The following HSD17B11 variants were observed in gnomAD, a reference collection of about 807,000 sequenced individuals.
HSD17B11 encodes estradiol 17-beta-dehydrogenase 11.
HSD17B11 carries 22 observed loss-of-function variants against 27.8 expected under a neutral mutation model. The ratio of observed to expected loss-of-function variants is 0.79; its 90% confidence interval spans 0.56 to 1.13. HSD17B11 has a LOEUF of 1.13. Ranked by LOEUF, HSD17B11 falls within the 50% of genes most tolerant of loss-of-function variation. HSD17B11 has a pLI of 0.00. For synonymous variants in HSD17B11, 117 were observed against 132.8 expected, an observed-to-expected ratio of 0.88 and a Z score of 0.82; for missense variants, 314 against 351.1, an observed-to-expected ratio of 0.89 and a Z score of 0.84.
intron 4 of HSD17B11, among the ~76,000 whole-genome samples, chr4:87,371,243 ATTG>A (rs1291304058): frequency 6.6e-6 from 1 of 152,194 alleles, no homozygotes; most frequent in African/African-American, 2.4e-5. Context: ...GGACAAATAA[ATTG>A]TTGTCTGGTC....
intron 4 of HSD17B11, among the ~76,000 whole-genome samples, chr4:87,365,108 G>A (rs1735591796): frequency 6.6e-6 from 1 of 152,236 alleles, no homozygotes; most frequent in African/African-American, 2.4e-5. Flanking sequence ...GGCAGAGGTT[G>A]CAGTGAGCCA....
At chr4:87,362,997 G>T (rs562113262) in intron 4 of HSD17B11, among the ~76,000 whole-genome samples, 1 of 152,112 alleles carries the variant, frequency 6.6e-6, no homozygotes, top group Admixed American at 6.6e-5. Flanking sequence ...CAAGTCAGAG[G>T]TTGGATTAAA....
intron 4 of HSD17B11, chr4:87,365,784 C>A (rs1735603419): frequency 1.3e-5 from 2 of 149,102 alleles, no homozygotes; most frequent in South Asian, 4.2e-4. Context: ...CATGGGAATG[C>A]GGATTATTTT....
At chr4:87,361,640 A>G (rs574918955) in intron 4 of HSD17B11, among the ~76,000 whole-genome samples, 47 of 152,150 alleles carry the variant, frequency 3.1e-4, no homozygotes, top group Middle Eastern at 3.4e-3. Flanking sequence ...GGTGGCGGGC[A>G]CCTGTAGTCC....
intron 4 of HSD17B11, among the ~76,000 whole-genome samples, chr4:87,364,295 AC>A (rs1162422146): frequency 4.6e-5 from 7 of 151,354 alleles, no homozygotes; most frequent in African/African-American, 7.3e-5. Flanking sequence ...AAGAAAAAAA[AC>A]CCCTCTGTTT....
Position 87,357,279 on chromosome 4 carries a change from C to T in HSD17B11, c.695G>A (p.Ser232Asn). 1 of 1,611,100 alleles carries T rather than the reference C, an allele frequency of 6.2e-7. No homozygotes were observed. The highest frequency in any genetic ancestry group is 8.5e-7 in the Non-Finnish European group (1 of 1,179,092). Residue 232 changes from serine to asparagine, a missense_variant and splice_region_variant, in exon 5 of 7, where the codon AGT becomes AAT. By Grantham distance (46) the Ser-to-Asn change is conservative. Coordinates refer to ENST00000358290, the MANE Select transcript of HSD17B11 (RefSeq NM_016245.5). ...CTTTTGTCTCAATTTCTCAACTTACCTTGTACTTGGATTTTTGATGAAGCC... is the reference window on the plus strand; with the variant it reads ...CTTTTGTCTCAATTTCTCAACTTACTTTGTACTTGGATTTTTGATGAAGCC... ...NTGFIKNPST[S>N]LGPTLEPEEV... is the part of the protein sequence containing the mutation.
intron 2 of HSD17B11, among the ~76,000 whole-genome samples, chr4:87,380,796 T>C (rs1251648803): frequency 7.1e-6 from 1 of 140,634 alleles, no homozygotes; most frequent in East Asian, 2.1e-4. Context: ...AGGCGGAGCT[T>C]GCAGTGAGCC....
Position 87,391,036 on chromosome 4 carries a change from G to A in HSD17B11, c.35C>T (p.Pro12Leu), listed in dbSNP as rs779368431. The A allele has an allele frequency of 6.2e-7, 1 of 1,613,870 alleles. No individual in the cohort carries two copies. The highest frequency in any genetic ancestry group is 1.7e-5 in the Admixed American group (1 of 60,004). Residue 12 changes from proline (P) to leucine (L), a missense_variant, in exon 1 of 7, where the codon CCG (proline) becomes CTG (leucine). By Grantham distance (98) the Pro-to-Leu change is moderately conservative. Coordinates refer to ENST00000358290, the MANE Select transcript of HSD17B11 (RefSeq NM_016245.5). ...KFLLDILLLL[P>L]LLIVCSLESF... ...CTCTAGGGAGCAGACGATCAGTAAC[G>A]GGAGAAGCAGGAGGATGTCCAGAAG...
intron 5 of HSD17B11, among the ~76,000 whole-genome samples, chr4:87,347,103 ATTT>A (rs763068482): frequency 3.2e-5 from 2 of 62,596 alleles, no homozygotes; most frequent in African/African-American, 8.6e-5. Flanking sequence ...AGTATTCTGG[ATTT>A]TTTTTTTTTC....
intron 6 of HSD17B11, among the ~76,000 whole-genome samples, chr4:87,339,481 G>A (rs1735123770): frequency 6.6e-6 from 1 of 152,172 alleles, no homozygotes; most frequent in Non-Finnish European, 1.5e-5. Context: ...ATCTTTAGAA[G>A]TGAGATCAAG....
At chr4:87,378,168 C>T (rs547051660) in intron 2 of HSD17B11, among the ~76,000 whole-genome samples, 1 of 152,214 alleles carries the variant, frequency 6.6e-6, no homozygotes, top group Non-Finnish European at 1.5e-5. Flanking sequence ...ATTATATTTA[C>T]GTTAGTAAAG....
chr4:87,362,884 C>A lies in HSD17B11; in HGVS notation c.558-5468G>T, dbSNP rs908004493. 3.3e-5 allele frequency among the ~76,000 whole-genome samples: 5 copies of A among 152,272 alleles called. No individual in the cohort carries two copies. The South Asian group carries it at 8.3e-4, about 25-fold the overall frequency. Reference sequence around the variant, plus strand: ...TCCCTGATCATTTTGCCTTCCCCACCCTGCCACAGGCAATACTTTCCGTCT... The same window carrying A: ...TCCCTGATCATTTTGCCTTCCCCACACTGCCACAGGCAATACTTTCCGTCT... On this transcript the variant is annotated intron_variant, in intron 4 of 6. Coordinates refer to ENST00000358290, the MANE Select transcript of HSD17B11 (RefSeq NM_016245.5).
At chr4:87,358,116 C>T (rs1226837724) in intron 4 of HSD17B11, among the ~76,000 whole-genome samples, 1 of 151,924 alleles carries the variant, frequency 6.6e-6, no homozygotes, top group African/African-American at 2.4e-5. Flanking sequence ...CGCCCGCCAC[C>T]ATGCTCGGCT....
intron 5 of HSD17B11, among the ~76,000 whole-genome samples, chr4:87,355,474 A>T (rs1735366269): frequency 1.3e-5 from 2 of 152,150 alleles, no homozygotes; most frequent in Non-Finnish European, 2.9e-5. Flanking sequence ...GAAAATTTTA[A>T]TGTAAAACTA....
intron 2 of HSD17B11, among the ~76,000 whole-genome samples, chr4:87,381,416 T>C (rs1336201290): frequency 6.6e-6 from 1 of 151,972 alleles, no homozygotes; most frequent in Non-Finnish European, 1.5e-5. Flanking sequence ...GAAACCCCAT[T>C]ATATACAGCA....
At chr4:87,376,806 G>A (rs1268647599) in intron 2 of HSD17B11, among the ~76,000 whole-genome samples, 1 of 152,178 alleles carries the variant, frequency 6.6e-6, no homozygotes, top group Non-Finnish European at 1.5e-5. Flanking sequence ...TAGCTGCTAA[G>A]AGCAATAGAA....
rs1339921761 is a variant in HSD17B11, at chr4:87,370,752, ATTATT to A, written c.557+1952_557+1956del. 2.8e-4 allele frequency among the ~76,000 whole-genome samples: 15 copies of A among 53,042 alleles called. 1 individual carries two copies. Among genetic ancestry groups the A allele is most frequent in the East Asian group, 6.0e-4 (1 of 1,670 alleles). The allele number at this position is 53,042 out of a possible 152,430, so 34.8% of individuals were successfully genotyped here. On this transcript the variant is annotated intron_variant, in intron 4 of 6. Coordinates refer to ENST00000358290, the MANE Select transcript of HSD17B11 (RefSeq NM_016245.5). ...TATTATTATTATTATTATTATTATT[ATTATT>A]TTTTTTTTTTTTTGAGACGGAGTCT...
chr4:87,382,141 G>T, intron 2 of HSD17B11, 114 bp downstream of exon 2: 1 of 759,414 alleles, frequency 1.3e-6, no homozygotes, highest in Non-Finnish European at 2.2e-6. Context: ...TATAACCTTG[G>T]TCAAATAACA....
intron 5 of HSD17B11, among the ~76,000 whole-genome samples, chr4:87,344,296 T>A (rs1735227364): frequency 6.6e-6 from 1 of 152,204 alleles, no homozygotes; most frequent in Non-Finnish European, 1.5e-5. Flanking sequence ...AAATTAGATG[T>A]TTTAAAATGA....
Sources: allele counts gnomAD v4.1 joint callset (sites outside exome capture counted in the v4.1 genomes callset), GRCh38; gene constraint gnomAD v4.1.1; transcripts MANE v1.5; gene names NCBI Gene and HGNC (gene_info 2026-07-23, HGNC 2026-07-21).